NT5DC1: variants seen among roughly 807,000 people sequenced by gnomAD.
The protein encoded by NT5DC1 is 5'-nucleotidase domain-containing protein 1.
In NT5DC1, 42 loss-of-function variants were observed where a neutral mutation model predicts 59.4. The observed-to-expected ratio is 0.71, with a 90% CI of 0.55 to 0.92. The LOEUF is 0.92. Among genes scored for constraint, NT5DC1 ranks in the 40% least tolerant of loss-of-function variants. NT5DC1 has a pLI of 0.00. For missense variants in NT5DC1, 501 were observed against 537.1 expected (o/e 0.93, Z 0.66); for synonymous variants, 172 against 188.1 (o/e 0.91, Z 0.70).
intron 6 of NT5DC1, among the ~76,000 whole-genome samples, chr6:116,145,754 A>G (rs372990577): frequency 1.3e-5 from 2 of 152,198 alleles, no homozygotes; most frequent in South Asian, 2.1e-4. Flanking sequence ...TCATTTCCAG[A>G]TACTTACCAA....
At chr6:116,126,411 A>G (rs485599) in intron 6 of NT5DC1, among the ~76,000 whole-genome samples, 10,516 of 152,182 alleles carry the variant, frequency 0.069, 501 homozygotes, top group African/African-American at 0.12. Context: ...AGGCTGGTTC[A>G]CGGTGGAATG....
At chr6:116,179,485 A>AG in intron 6 of NT5DC1, among the ~76,000 whole-genome samples, 1 of 152,322 alleles carries the variant, frequency 6.6e-6, no homozygotes, top group African/African-American at 2.4e-5. Context: ...GAACCCGAAT[A>AG]GACAATTCTC....
intron 4 of NT5DC1, among the ~76,000 whole-genome samples, chr6:116,114,881 G>T (rs1778936721): frequency 6.6e-6 from 1 of 152,204 alleles, no homozygotes; most frequent in Admixed American, 6.5e-5. Flanking sequence ...TAAATGTGAA[G>T]TTTGCCACAT....
chr6:116,204,106 C>T (rs1204849), intron 6 of NT5DC1, among the ~76,000 whole-genome samples: 94,936 of 151,640 alleles, frequency 0.63, 31,591 homozygotes, highest in African/African-American at 0.87. Context: ...AGTGAAACAC[C>T]TGGGTAAGGG....
At position 116,222,985 on chromosome 6, in the gene NT5DC1, C is replaced by A. The variant is rs765936780; in HGVS notation, c.705-49C>A. 4.2e-6 allele frequency: 4 copies of A among 960,326 alleles called. No homozygotes were observed. The African/African-American group carries it at 4.9e-5, about 12-fold the overall frequency. The allele number at this position is 960,326 out of a possible 1,614,324, so 59.5% of individuals were successfully genotyped here. ...AAGATCAAGTTCTGTTTTATATGGA[C>A]CTTTTCTAATTCTTAAAATAAACTT... On this transcript the variant is annotated intron_variant, in intron 7 of 11. Coordinates refer to ENST00000319550, the MANE Select transcript of NT5DC1 (RefSeq NM_152729.3).
chr6:116,236,919 A>G, intron 8 of NT5DC1, 47 bp from the exon 9 acceptor site: 2 of 1,202,096 alleles, frequency 1.7e-6, no homozygotes, highest in South Asian at 1.2e-5. Flanking sequence ...CCAACTGGCT[A>G]CTCTCACTTG....
At chr6:116,199,165 A>T (rs1219410834) in intron 6 of NT5DC1, among the ~76,000 whole-genome samples, 1 of 152,090 alleles carries the variant, frequency 6.6e-6, no homozygotes, top group Non-Finnish European at 1.5e-5. Flanking sequence ...GTATAAAAAT[A>T]TCTTTCCATG....
chr6:116,104,419 G>A (rs1778731564), intron 1 of NT5DC1, among the ~76,000 whole-genome samples: 1 of 152,164 alleles, frequency 6.6e-6, no homozygotes, highest in Admixed American at 6.5e-5. Flanking sequence ...TTGAATAACT[G>A]GAGAAACTCA....
At chr6:116,113,205 T>C (rs184081030) in intron 4 of NT5DC1, among the ~76,000 whole-genome samples, 1 of 152,354 alleles carries the variant, frequency 6.6e-6, no homozygotes, top group Non-Finnish European at 1.5e-5. Context: ...AAAGTGTCTC[T>C]GGTACTAAGT....
At chr6:116,101,700 C>T (rs1778661156) in intron 1 of NT5DC1, among the ~76,000 whole-genome samples, 1 of 152,232 alleles carries the variant, frequency 6.6e-6, no homozygotes. Flanking sequence ...TGGGTCCTCA[C>T]TGTGCCCTGA....
intron 6 of NT5DC1, among the ~76,000 whole-genome samples, chr6:116,178,333 A>G (rs1236870103): frequency 6.6e-6 from 1 of 152,116 alleles, no homozygotes; most frequent in Non-Finnish European, 1.5e-5. Flanking sequence ...GTATGGCCAT[A>G]AGCCCTAGGA....
Position 116,246,596 on chromosome 6 carries a change from C to T in NT5DC1, c.*2572C>T, listed in dbSNP as rs1239903167. ...AAACTGCCTCTCTAGATATAATAAC[C>T]TTCACTGACTGTTGGAAATACATGG... is the stretch of plus-strand genomic sequence containing the variant. On this transcript the variant is annotated 3_prime_UTR_variant, in exon 12 of 12. Coordinates refer to ENST00000319550, the MANE Select transcript of NT5DC1 (RefSeq NM_152729.3). 1 of 151,872 alleles carries T rather than the reference C, an allele frequency of 6.6e-6. No individual in the cohort carries two copies. Among genetic ancestry groups the T allele is most frequent in the Non-Finnish European group, 1.5e-5 (1 of 67,934 alleles). 9.4% of individuals were successfully genotyped at this position (151,872 alleles called of 1,614,324 possible).
intron 6 of NT5DC1, among the ~76,000 whole-genome samples, chr6:116,134,431 C>T (rs553250251): frequency 2.0e-5 from 3 of 152,114 alleles, no homozygotes; most frequent in Non-Finnish European, 4.4e-5. Context: ...GAACGTAATT[C>T]AAGGACTATG....
At chr6:116,137,579 C>G (rs1473471142) in intron 6 of NT5DC1, 2 of 214,404 alleles carry the variant, frequency 9.3e-6, no homozygotes, top group Non-Finnish European at 2.0e-5. Context: ...GCTGCGTTTT[C>G]CCACTGGGTT....
At chr6:116,115,907 C>G in intron 5 of NT5DC1, 137 bp downstream of exon 5, 1 of 427,038 alleles carries the variant, frequency 2.3e-6, no homozygotes. Context: ...GAAAGAAAAA[C>G]ATGGTGAATT....
chr6:116,229,909 C>T (rs1384934590), intron 8 of NT5DC1, among the ~76,000 whole-genome samples: 2 of 152,224 alleles, frequency 1.3e-5, no homozygotes, highest in African/African-American at 4.8e-5. Flanking sequence ...TCCTCCTCCA[C>T]ACTAGGCAGC....
rs143492930 is a variant in NT5DC1 at position 116,231,464 on chromosome 6, C to T, written c.803-5502C>T. On this transcript the variant is annotated intron_variant, in intron 8 of 11. Transcript: ENST00000319550. ...TTAATCATAATTCATTATTTAGTAA[C>T]CTCTAACAAGTCAGAGATTGCCACC... Among the ~76,000 whole-genome samples the T allele has an allele frequency of 4.2e-3, 641 of 152,184 alleles. 2 individuals are homozygous for T. The highest frequency in any genetic ancestry group is 6.8e-3 in the Non-Finnish European group (459 of 67,996).
At chr6:116,178,086 TGTGCGCGCGC>T (rs756888271) in intron 6 of NT5DC1, among the ~76,000 whole-genome samples, 22 of 77,580 alleles carry the variant, frequency 2.8e-4, no homozygotes, top group African/African-American at 1.3e-3. Context: ...TGTGTGTGTG[TGTGCGCGCGC>T]GCGCGCGTGC....
At chr6:116,161,073 C>G (rs1422174482) in intron 6 of NT5DC1, among the ~76,000 whole-genome samples, 1 of 151,586 alleles carries the variant, frequency 6.6e-6, no homozygotes, top group Non-Finnish European at 1.5e-5. Flanking sequence ...TCATCATTCT[C>G]AGTAAACTAT....
Sources: gnomAD v4.1 joint callset for allele counts (sites outside exome capture counted in the v4.1 genomes callset) on GRCh38, gnomAD v4.1.1 for gene constraint, MANE v1.5 for transcripts, NCBI Gene and HGNC (gene_info 2026-07-23, HGNC 2026-07-21) for gene names.